KCNQ5: variants seen among roughly 807,000 people sequenced by gnomAD.
The protein encoded by KCNQ5 is potassium voltage-gated channel subfamily Q member 5.
A neutral mutation model predicts 98.2 loss-of-function variants in KCNQ5; 30 were observed. The ratio of observed to expected loss-of-function variants is 0.31; its 90% CI spans 0.23 to 0.41. The LOEUF is 0.41. KCNQ5 is among the 10% of genes least tolerant of loss of function. KCNQ5 has a pLI of 1.00. For synonymous variants in KCNQ5, 458 were observed against 449.4 expected (o/e 1.02, Z -0.24); for missense variants, 835 against 1,182.5 (o/e 0.71, Z 4.31).
chr6:72,968,391 A>G (rs539807775), intron 1 of KCNQ5, among the ~76,000 whole-genome samples: 4 of 152,116 alleles, frequency 2.6e-5, no homozygotes, highest in Non-Finnish European at 4.4e-5. Context: ...AAATATCATT[A>G]TGATCTAGAC....
At chr6:72,967,223 C>T (rs1281641802) in intron 1 of KCNQ5, among the ~76,000 whole-genome samples, 5 of 152,076 alleles carry the variant, frequency 3.3e-5, no homozygotes, top group Admixed American at 3.3e-4. Flanking sequence ...AGGATAGAAA[C>T]ACATTTCTTG....
chr6:72,838,965 A>AAAAAAG lies in KCNQ5; in HGVS notation c.399-164938_399-164937insGAAAAA, dbSNP rs1240220071. On this transcript the variant is annotated intron_variant, in intron 1 of 13. Transcript: ENST00000370398. ...ACTCCGTCTCAAAAAAAAAAAAAAA[A>AAAAAAG]AAAAAAAGAATATGGAGCTGAGTGT... is the stretch of plus-strand genomic sequence containing the variant. Among the ~76,000 whole-genome samples the AAAAAAG allele has an allele frequency of 2.8e-4, 42 of 150,534 alleles. 1 individual carries two copies. Among genetic ancestry groups the AAAAAAG allele is most frequent in the African/African-American group, 9.7e-4 (40 of 41,196 alleles).
At chr6:72,948,561 AG>A (rs1252837683) in intron 1 of KCNQ5, among the ~76,000 whole-genome samples, 6 of 152,156 alleles carry the variant, frequency 3.9e-5, no homozygotes, top group Admixed American at 3.3e-4. Flanking sequence ...ATAAGAAAAA[AG>A]AAAGTGGACA....
At chr6:72,972,505 C>T (rs534776034) in intron 1 of KCNQ5, among the ~76,000 whole-genome samples, 1 of 151,944 alleles carries the variant, frequency 6.6e-6, no homozygotes, top group Non-Finnish European at 1.5e-5. Context: ...CCCCCTACCC[C>T]CCAACAAGCC....
chr6:73,086,421 C>T (rs957737349), intron 5 of KCNQ5, among the ~76,000 whole-genome samples: 1 of 152,142 alleles, frequency 6.6e-6, no homozygotes, highest in African/African-American at 2.4e-5. Flanking sequence ...TGCCCTTAAC[C>T]GAATTCCTTC....
At chr6:72,914,413 C>A (rs1403819055) in intron 1 of KCNQ5, among the ~76,000 whole-genome samples, 2 of 151,144 alleles carry the variant, frequency 1.3e-5, no homozygotes, top group African/African-American at 4.9e-5. Context: ...ATTAAACTAC[C>A]AGAAGGGAGT....
chr6:72,746,202 A>G (rs182122812), intron 1 of KCNQ5, among the ~76,000 whole-genome samples: 10 of 141,336 alleles, frequency 7.1e-5, no homozygotes, highest in Admixed American at 5.5e-4. Context: ...ACTTTTTTGT[A>G]ATTTTTTAGC....
chr6:72,649,080 A>T (rs1485803600), intron 1 of KCNQ5, among the ~76,000 whole-genome samples: 1 of 152,108 alleles, frequency 6.6e-6, no homozygotes, highest in Non-Finnish European at 1.5e-5. Context: ...AAGCCTGGAG[A>T]TGGCTGTGTT....
intron 6 of KCNQ5, among the ~76,000 whole-genome samples, chr6:73,110,385 CA>C (rs1204764946): frequency 1.3e-5 from 2 of 152,134 alleles, no homozygotes; most frequent in South Asian, 2.1e-4. Flanking sequence ...CTTGTTTTTA[CA>C]AATGTTAGTA....
chr6:73,000,412 T>C lies in KCNQ5; in HGVS notation c.399-3496T>C, dbSNP rs59141531. Among the ~76,000 whole-genome samples, 274 of 152,306 alleles carry C rather than the reference T, an allele frequency of 1.8e-3. 1 individual carries two copies. The highest frequency in any genetic ancestry group is 6.3e-3 in the African/African-American group (261 of 41,578). ...TCTATGCTTATTTACCAAAACTTTA[T>C]ATGCTTGGTCTGCACTGTCAGGATA... On this transcript the variant is annotated intron_variant, in intron 1 of 13. Coordinates refer to ENST00000370398, the MANE Select transcript of KCNQ5 (RefSeq NM_019842.4).
At chr6:72,642,038 C>A (rs556534529) in intron 1 of KCNQ5, among the ~76,000 whole-genome samples, 1 of 151,200 alleles carries the variant, frequency 6.6e-6, no homozygotes, top group Admixed American at 6.6e-5. Flanking sequence ...TCGTTTATTA[C>A]CCAAACACAG....
chr6:73,054,961 C>A, intron 3 of KCNQ5: 1 of 395,944 alleles, frequency 2.5e-6, no homozygotes, highest in Non-Finnish European at 4.8e-6. Context: ...TGCTCCAAAG[C>A]TCCTTGGTTT....
chr6:72,803,056 T>C (rs1774742910), intron 1 of KCNQ5, among the ~76,000 whole-genome samples: 1 of 152,118 alleles, frequency 6.6e-6, no homozygotes, highest in Non-Finnish European at 1.5e-5. Context: ...AGGACATTTG[T>C]TCAGGCCTCT....
rs753028135 is a variant in KCNQ5, at chr6:73,194,857, T to G, written c.2242T>G (p.Leu748Val). 6.2e-7 allele frequency: 1 copy of G among 1,614,016 alleles called. No individual in the cohort carries two copies. Among genetic ancestry groups the G allele is most frequent in the Non-Finnish European group, 8.5e-7 (1 of 1,180,006 alleles). Residue 748 changes from leucine (L) to valine (V), a missense_variant, in exon 14 of 14, where the codon TTA (leucine) becomes GTA (valine). Around this residue, in one of 10 missense-constraint regions of KCNQ5, gnomAD observed 416 missense variants for 446.9 expected, o/e 0.93. Coordinates refer to ENST00000370398, the MANE Select transcript of KCNQ5 (RefSeq NM_019842.4). ...TAPKPAAPTT[L>V]QIPPPLPAIK... ...ACCCAAGCCAGCAGCCCCAACAACT[T>G]TACAGATCCCACCTCCTCTCCCAGC...
intron 2 of KCNQ5, among the ~76,000 whole-genome samples, chr6:73,041,051 A>G (rs1301621219): frequency 6.6e-6 from 1 of 152,248 alleles, no homozygotes; most frequent in Non-Finnish European, 1.5e-5. Context: ...TTAAAACAAG[A>G]AAGTGAATTA....
intron 5 of KCNQ5, among the ~76,000 whole-genome samples, chr6:73,080,678 G>A (rs1773727051): frequency 6.6e-6 from 1 of 152,152 alleles, no homozygotes. Context: ...AGAATAAATA[G>A]GGAAATGATA....
At chr6:72,994,022 G>A (rs1769152892) in intron 1 of KCNQ5, among the ~76,000 whole-genome samples, 1 of 57,008 alleles carries the variant, frequency 1.8e-5, no homozygotes, top group Non-Finnish European at 3.1e-5. Context: ...CCCGTTCTCA[G>A]ATCTCCAGCT....
intron 1 of KCNQ5, among the ~76,000 whole-genome samples, chr6:72,777,360 G>A (rs1404436591): frequency 6.6e-6 from 1 of 152,132 alleles, no homozygotes; most frequent in Non-Finnish European, 1.5e-5. Context: ...AGGGGAGGTG[G>A]AGTCAATAAA....
At chr6:72,658,578 A>ATATTT (rs1226386362) in intron 1 of KCNQ5, among the ~76,000 whole-genome samples, 6 of 76,382 alleles carry the variant, frequency 7.9e-5, no homozygotes, top group Admixed American at 1.4e-4. Context: ...ATATATATAT[A>ATATTT]TTTTTTTTTT....
Sources: gnomAD v4.1 joint callset for allele counts (sites outside exome capture counted in the v4.1 genomes callset) on GRCh38, gnomAD v4.1.1 for gene constraint, gnomAD v4.1.1 regional missense constraint, MANE v1.5 for transcripts, NCBI Gene and HGNC (gene_info 2026-07-23, HGNC 2026-07-21) for gene names.